The following BBX variants were observed in gnomAD, a reference collection of about 807,000 sequenced individuals.
BBX encodes the protein HMG box transcription factor BBX.
BBX carries 30 observed loss-of-function variants against 100.2 expected under a neutral mutation model. That is an observed-to-expected ratio of 0.30 (90% CI 0.22 to 0.41). The LOEUF (loss-of-function observed/expected upper bound fraction) is 0.41. Among genes scored for constraint, BBX ranks in the 10% least tolerant of loss-of-function variants. The probability of loss-of-function intolerance (pLI) is 1.00; values close to 1 mark genes in which losing one functional copy is unlikely to be tolerated. For missense variants in BBX, 1,023 were observed against 1,129.8 expected (o/e 0.91, Z 1.35); for synonymous variants, 376 against 388.1 (o/e 0.97, Z 0.37).
At chr3:107,537,749 C>G (rs1167059226) in intron 2 of BBX, among the ~76,000 whole-genome samples, 1 of 152,188 alleles carries the variant, frequency 6.6e-6, no homozygotes, top group Non-Finnish European at 1.5e-5. Context: ...TGTGTTTTCA[C>G]TCAGTTTTAT....
intron 2 of BBX, among the ~76,000 whole-genome samples, chr3:107,595,941 A>G (rs1404383429): frequency 6.6e-6 from 1 of 152,156 alleles, no homozygotes; most frequent in Admixed American, 6.6e-5. Flanking sequence ...TTAGACTAGT[A>G]TCTACATATA....
At chr3:107,705,170 C>T (rs1243468539) in intron 3 of BBX, among the ~76,000 whole-genome samples, 1 of 152,086 alleles carries the variant, frequency 6.6e-6, no homozygotes, top group African/African-American at 2.4e-5. Flanking sequence ...CCTCCGTAGA[C>T]TCTGGAGAAG....
intron 2 of BBX, among the ~76,000 whole-genome samples, chr3:107,540,641 A>G (rs754570369): frequency 6.6e-6 from 1 of 152,226 alleles, no homozygotes; most frequent in Admixed American, 6.5e-5. Context: ...AAACTGCCAA[A>G]TCACATTATG....
intron 8 of BBX, among the ~76,000 whole-genome samples, chr3:107,745,161 C>T (rs1576606379): frequency 1.3e-5 from 2 of 152,138 alleles, no homozygotes; most frequent in East Asian, 3.9e-4. Flanking sequence ...TGGCAGTTTT[C>T]AAAGTCTTCT....
chr3:107,803,706 C>T (rs1157438167), intron 17 of BBX, among the ~76,000 whole-genome samples: 1 of 152,134 alleles, frequency 6.6e-6, no homozygotes, highest in Non-Finnish European at 1.5e-5. Context: ...CCAATTTGTG[C>T]CCAAGTCAAG....
At chr3:107,691,934 T>C (rs967847945) in intron 3 of BBX, among the ~76,000 whole-genome samples, 4 of 152,040 alleles carry the variant, frequency 2.6e-5, no homozygotes, top group Non-Finnish European at 5.9e-5. Context: ...TTGAGAAAAA[T>C]ATTTTTGTTT....
intron 2 of BBX, among the ~76,000 whole-genome samples, chr3:107,543,713 A>G (rs2049017256): frequency 2.0e-5 from 3 of 152,242 alleles, no homozygotes; most frequent in African/African-American, 7.2e-5. Context: ...AGGAAAAACC[A>G]TTCCAGCTTC....
intron 2 of BBX, among the ~76,000 whole-genome samples, chr3:107,567,161 A>G (rs1411524018): frequency 1.3e-5 from 2 of 152,132 alleles, no homozygotes; most frequent in Non-Finnish European, 2.9e-5. Flanking sequence ...GAAATTTGTT[A>G]ATACTTTCTT....
At position 107,773,316 on chromosome 3, in the gene BBX, A is replaced by G; in HGVS notation, c.1595A>G (p.Lys532Arg). ...LDAKPPKKKV[K>R]SREKKMSKEK... is the part of the protein sequence containing the mutation. Reference sequence around the variant, plus strand: ...GCCAAGCCACCAAAGAAAAAAGTGAAATCAAGAGAGAAGAAAATGTCAAAG... The same window carrying G: ...GCCAAGCCACCAAAGAAAAAAGTGAGATCAAGAGAGAAGAAAATGTCAAAG... Residue 532 changes from lysine to arginine, a missense_variant, in exon 11 of 18, where the codon AAA (lysine) becomes AGA (arginine). Transcript: ENST00000325805. The surrounding 1 kb of genome is among the most constrained non-coding windows in gnomAD (Gnocchi z 4.1). 6.2e-7 allele frequency: 1 copy of G among 1,614,128 alleles called. No individual in the cohort carries two copies. The highest frequency in any genetic ancestry group is 8.5e-7 in the Non-Finnish European group (1 of 1,180,004).
Position 107,625,496 on chromosome 3 carries a change from C to T in BBX, c.-83-20340C>T, listed in dbSNP as rs373943276. 1.2e-4 allele frequency among the ~76,000 whole-genome samples: 18 copies of T among 152,254 alleles called. No homozygotes were observed. The South Asian group carries it at 3.7e-3, about 32-fold the overall frequency. The stretch of plus-strand genomic sequence containing the variant: ...ACGGAGTTTTGCCATGTTGTCCAGG[C>T]TAGTCTCGAACTCCTGGCCTCAAGT... On this transcript the variant is annotated intron_variant, in intron 2 of 17. Coordinates refer to ENST00000325805, the MANE Select transcript of BBX (RefSeq NM_001142568.3).
At chr3:107,682,759 CA>C (rs1468823422) in intron 3 of BBX, among the ~76,000 whole-genome samples, 1 of 152,042 alleles carries the variant, frequency 6.6e-6, no homozygotes, top group Non-Finnish European at 1.5e-5. Context: ...GAATTACAGA[CA>C]AAAAGGCTCA....
Position 107,805,565 on chromosome 3 carries a change from T to A in BBX, c.*108T>A, listed in dbSNP as rs2071008174. ...GTGGAAAATATAGACTGCAAACAAG[T>A]GCTTGTTGCCCCACACGGCCCAGAT... On this transcript the variant is annotated 3_prime_UTR_variant, in exon 18 of 18. Transcript: ENST00000325805. 1 of 1,583,602 alleles carries A rather than the reference T, an allele frequency of 6.3e-7. No homozygotes were observed. Among genetic ancestry groups the A allele is most frequent in the Admixed American group, 1.8e-5 (1 of 55,734 alleles).
intron 3 of BBX, among the ~76,000 whole-genome samples, chr3:107,671,616 A>G (rs1459616223): frequency 6.6e-6 from 1 of 152,152 alleles, no homozygotes; most frequent in African/African-American, 2.4e-5. Flanking sequence ...GACATGGACA[A>G]GGCCAGAAAC....
At chr3:107,636,507 AAG>A (rs2107748355) in intron 2 of BBX, among the ~76,000 whole-genome samples, 1 of 152,324 alleles carries the variant, frequency 6.6e-6, no homozygotes, top group Non-Finnish European at 1.5e-5. Flanking sequence ...ATAATTATAT[AAG>A]AAGTTAACAT....
At chr3:107,569,156 T>A (rs984533890) in intron 2 of BBX, among the ~76,000 whole-genome samples, 1 of 152,232 alleles carries the variant, frequency 6.6e-6, no homozygotes, top group Non-Finnish European at 1.5e-5. Context: ...TTATTTCATT[T>A]AATTGAGCAA....
At chr3:107,707,957 G>A (rs1279574724) in intron 3 of BBX, among the ~76,000 whole-genome samples, 2 of 152,150 alleles carry the variant, frequency 1.3e-5, no homozygotes, top group Non-Finnish European at 2.9e-5. Flanking sequence ...ACTGATAGAA[G>A]TTGCCTTACT....
intron 2 of BBX, among the ~76,000 whole-genome samples, chr3:107,608,310 A>G (rs541865112): frequency 6.6e-6 from 1 of 152,290 alleles, no homozygotes; most frequent in East Asian, 1.9e-4. Context: ...TCCCAGGATC[A>G]TTTATTGAAG....
At chr3:107,686,033 A>C (rs1045572161) in intron 3 of BBX, among the ~76,000 whole-genome samples, 1 of 152,194 alleles carries the variant, frequency 6.6e-6, no homozygotes, top group East Asian at 1.9e-4. Flanking sequence ...GAAGAAACTA[A>C]GAGTCCTTTT....
intron 2 of BBX, among the ~76,000 whole-genome samples, chr3:107,641,319 A>G (rs1234471266): frequency 1.3e-5 from 2 of 152,122 alleles, no homozygotes; most frequent in African/African-American, 4.8e-5. Context: ...TATTGAGCTC[A>G]AGTGATCCAC....
Sources: allele counts gnomAD v4.1 joint callset (sites outside exome capture counted in the v4.1 genomes callset), GRCh38; gene constraint gnomAD v4.1.1; non-coding constraint Gnocchi (gnomAD v3.1); transcripts MANE v1.5; gene names NCBI Gene and HGNC (gene_info 2026-07-23, HGNC 2026-07-21).